Variants in LSAMP observed in about 807,000 individuals in gnomAD.
LSAMP encodes the protein limbic system associated membrane protein, also known as limbic system-associated membrane protein.
LSAMP carries 7 observed loss-of-function variants against 38.6 expected under a neutral mutation model. The ratio of observed to expected loss-of-function variants is 0.18; its 90% CI spans 0.10 to 0.34. The LOEUF (loss-of-function observed/expected upper bound fraction) is 0.34, where lower values mean the gene tolerates loss of function less well. Among genes scored for constraint, LSAMP ranks in the 10% least tolerant of loss-of-function variants. LSAMP has a pLI of 1.00. For missense variants in LSAMP, 313 were observed against 420.0 expected (o/e 0.75, Z 2.23); for synonymous variants, 154 against 166.8 (o/e 0.92, Z 0.59).
intron 3 of LSAMP, among the ~76,000 whole-genome samples, chr3:115,972,957 A>C (rs1355092107): frequency 2.6e-5 from 4 of 151,704 alleles, no homozygotes. Context: ...TTCACAAAGA[A>C]GAGTGAGAAG....
At chr3:116,032,770 T>C in intron 2 of LSAMP, among the ~76,000 whole-genome samples, 1 of 152,038 alleles carries the variant, frequency 6.6e-6, no homozygotes, top group South Asian at 2.1e-4. Flanking sequence ...GCTACTGCAC[T>C]CCAGCCTGGG....
chr3:116,118,073 T>A (rs1270996761), intron 1 of LSAMP, among the ~76,000 whole-genome samples: 1 of 151,994 alleles, frequency 6.6e-6, no homozygotes, highest in Admixed American at 6.6e-5. Context: ...TGAGATTGGG[T>A]GTGGGTAGGG....
At chr3:116,105,608 A>G (rs1028375270) in intron 1 of LSAMP, among the ~76,000 whole-genome samples, 1 of 152,194 alleles carries the variant, frequency 6.6e-6, no homozygotes, top group African/African-American at 2.4e-5. Context: ...AAGGAAATTC[A>G]CAGGGTTAAT....
At chr3:116,156,730 G>A (rs1709758142) in intron 1 of LSAMP, among the ~76,000 whole-genome samples, 1 of 151,928 alleles carries the variant, frequency 6.6e-6, no homozygotes, top group African/African-American at 2.4e-5. Context: ...ATGATGAGAT[G>A]ACACAATACC....
chr3:116,124,453 T>C (rs997533477), intron 1 of LSAMP, among the ~76,000 whole-genome samples: 1 of 152,216 alleles, frequency 6.6e-6, no homozygotes, highest in Non-Finnish European at 1.5e-5. Flanking sequence ...CTTTGAAAAG[T>C]TGATTTGCAT....
At chr3:115,854,282 A>ATTTTTTTTTTT (rs35263381) in intron 3 of LSAMP, among the ~76,000 whole-genome samples, 1 of 107,030 alleles carries the variant, frequency 9.3e-6, no homozygotes, top group African/African-American at 3.7e-5. Flanking sequence ...TATTATTATT[A>ATTTTTTTTTTT]TTTTTTTTTT....
At chr3:116,075,040 G>A (rs931220705) in intron 2 of LSAMP, among the ~76,000 whole-genome samples, 1 of 151,332 alleles carries the variant, frequency 6.6e-6, no homozygotes, top group African/African-American at 2.4e-5. Flanking sequence ...GTTTCTCCAT[G>A]TTGGTCAAGC....
At chr3:116,186,438 G>T (rs183164246) in intron 1 of LSAMP, among the ~76,000 whole-genome samples, 1 of 152,178 alleles carries the variant, frequency 6.6e-6, no homozygotes, top group African/African-American at 2.4e-5. Flanking sequence ...GGGAGAAAAT[G>T]GTGAATTCCT....
chr3:115,918,556 G>C (rs1172693701), intron 3 of LSAMP, among the ~76,000 whole-genome samples: 1 of 152,146 alleles, frequency 6.6e-6, no homozygotes, highest in African/African-American at 2.4e-5. Context: ...GGAAAGCACA[G>C]GAACCAGCCC....
chr3:116,038,565 C>T (rs1941099274), intron 2 of LSAMP, among the ~76,000 whole-genome samples: 1 of 152,144 alleles, frequency 6.6e-6, no homozygotes, highest in South Asian at 2.1e-4. Flanking sequence ...TGAATACTTT[C>T]TTTTTATTTC....
intron 1 of LSAMP, among the ~76,000 whole-genome samples, chr3:116,256,533 G>A (rs1033860614): frequency 1.3e-5 from 2 of 152,098 alleles, no homozygotes; most frequent in Non-Finnish European, 2.9e-5. Flanking sequence ...GTCCATTGAT[G>A]ATATAATTAA....
chr3:116,396,856 G>A (rs952251285), intron 1 of LSAMP, among the ~76,000 whole-genome samples: 2 of 152,138 alleles, frequency 1.3e-5, no homozygotes, highest in South Asian at 2.1e-4. Flanking sequence ...AGTTGCTCAG[G>A]CCAAAATACC....
chr3:116,377,752 T>A (rs2048512266), intron 1 of LSAMP, among the ~76,000 whole-genome samples: 2 of 152,166 alleles, frequency 1.3e-5, no homozygotes, highest in South Asian at 4.1e-4. Flanking sequence ...TGAAATCCCA[T>A]GGAGCCCTTT....
intron 3 of LSAMP, among the ~76,000 whole-genome samples, chr3:116,017,969 T>C (rs1255223617): frequency 2.0e-5 from 3 of 152,108 alleles, no homozygotes; most frequent in Non-Finnish European, 2.9e-5. Context: ...GCCAACATAA[T>C]GCCATCCAAG....
At chr3:115,866,951 G>C (rs1935878523) in intron 3 of LSAMP, among the ~76,000 whole-genome samples, 2 of 151,932 alleles carry the variant, frequency 1.3e-5, no homozygotes, top group Admixed American at 1.3e-4. Flanking sequence ...AGCAGAATGG[G>C]TACTTGTGGG....
At chr3:115,937,347 A>ATG (rs1937737955) in intron 3 of LSAMP, among the ~76,000 whole-genome samples, 1 of 152,166 alleles carries the variant, frequency 6.6e-6, no homozygotes, top group Non-Finnish European at 1.5e-5. Context: ...TGGCATAGAA[A>ATG]TGTAATGTCT....
intron 1 of LSAMP, among the ~76,000 whole-genome samples, chr3:116,152,476 C>A (rs1010484897): frequency 2.6e-5 from 4 of 152,104 alleles, no homozygotes; most frequent in Admixed American, 6.6e-5. Flanking sequence ...CATGACACTG[C>A]ACTGCCTCGG....
intron 3 of LSAMP, among the ~76,000 whole-genome samples, chr3:115,857,606 A>T (rs1684636059): frequency 6.6e-6 from 1 of 152,052 alleles, no homozygotes; most frequent in South Asian, 2.1e-4. Flanking sequence ...CACATCGCTG[A>T]GTGTTATGTT....
chr3:116,275,020 C>G (rs1267081988), intron 1 of LSAMP, among the ~76,000 whole-genome samples: 2 of 148,944 alleles, frequency 1.3e-5, no homozygotes, highest in Admixed American at 6.7e-5. Flanking sequence ...CTTTTGTTGT[C>G]TTTCTTATAA....
Sources: gnomAD v4.1 joint callset for allele counts (sites outside exome capture counted in the v4.1 genomes callset) on GRCh38, gnomAD v4.1.1 for gene constraint, MANE v1.5 for transcripts, NCBI Gene and HGNC (gene_info 2026-07-23, HGNC 2026-07-21) for gene names.